Variants in RALGPS2 observed in about 807,000 individuals in gnomAD.
RALGPS2 encodes the protein ras-specific guanine nucleotide-releasing factor RalGPS2.
A neutral mutation model predicts 86.8 loss-of-function variants in RALGPS2; 43 were observed. The ratio of observed to expected loss-of-function variants is 0.50; its 90% confidence interval spans 0.39 to 0.64. The LOEUF is 0.64. Among genes scored for constraint, RALGPS2 ranks in the 30% least tolerant of loss-of-function variants. The pLI is 0.00. For missense variants in RALGPS2, 536 were observed against 694.6 expected, an observed-to-expected ratio of 0.77 and a Z score of 2.57; for synonymous variants, 243 against 231.3, an observed-to-expected ratio of 1.05 and a Z score of -0.46.
chr1:178,890,331 A>G (rs1659667764), intron 14 of RALGPS2, among the ~76,000 whole-genome samples: 1 of 151,994 alleles, frequency 6.6e-6, no homozygotes, highest in Non-Finnish European at 1.5e-5. Flanking sequence ...GCAAATAATT[A>G]TTTATTAAAT....
chr1:178,901,668 A>T (rs991857991), intron 17 of RALGPS2, among the ~76,000 whole-genome samples: 3 of 151,610 alleles, frequency 2.0e-5, no homozygotes, highest in African/African-American at 7.3e-5. Flanking sequence ...AGCCTGGGCA[A>T]CAGAGTGAGA....
At chr1:178,880,261 A>T (rs552398098) in intron 10 of RALGPS2, among the ~76,000 whole-genome samples, 4 of 152,298 alleles carry the variant, frequency 2.6e-5, no homozygotes, top group South Asian at 2.1e-4. Flanking sequence ...TTTTTAAAAA[A>T]TTTTGTAGAA....
At chr1:178,823,387 A>G (rs1230770114) in intron 7 of RALGPS2, among the ~76,000 whole-genome samples, 2 of 152,244 alleles carry the variant, frequency 1.3e-5, no homozygotes, top group Non-Finnish European at 2.9e-5. Context: ...CATACAGCTA[A>G]CATTCTGCTG....
chr1:178,808,241 T>C, intron 5 of RALGPS2, 113 bp downstream of exon 5: 1 of 749,506 alleles, frequency 1.3e-6, no homozygotes, highest in South Asian at 1.7e-5. Context: ...TCAGCCAGTA[T>C]CTCTCAAGTA....
At chr1:178,819,625 A>C (rs1196969503) in intron 6 of RALGPS2, among the ~76,000 whole-genome samples, 2 of 152,282 alleles carry the variant, frequency 1.3e-5, no homozygotes, top group Admixed American at 6.5e-5. Context: ...GATTCTCCTT[A>C]GTTTTAGGGC....
intron 7 of RALGPS2, among the ~76,000 whole-genome samples, chr1:178,828,344 C>T (rs11800240): frequency 6.6e-6 from 1 of 152,012 alleles, no homozygotes; most frequent in Non-Finnish European, 1.5e-5. Context: ...TACAATACAC[C>T]TAGGCTATAT....
At chr1:178,818,326 C>T (rs1486048627) in intron 6 of RALGPS2, among the ~76,000 whole-genome samples, 1 of 152,170 alleles carries the variant, frequency 6.6e-6, no homozygotes, top group Non-Finnish European at 1.5e-5. Flanking sequence ...TGCCAGTGCA[C>T]TCCAGCCTGG....
intron 10 of RALGPS2, among the ~76,000 whole-genome samples, chr1:178,880,744 T>C (rs775624266): frequency 1.3e-5 from 2 of 152,236 alleles, no homozygotes; most frequent in Non-Finnish European, 2.9e-5. Flanking sequence ...TTAAAGTTTA[T>C]TAGATTGAAA....
At chr1:178,802,920 A>G (rs976733378) in intron 4 of RALGPS2, among the ~76,000 whole-genome samples, 3 of 152,098 alleles carry the variant, frequency 2.0e-5, no homozygotes, top group Non-Finnish European at 4.4e-5. Context: ...TTTGTCTGCA[A>G]GTTTTTTCAA....
At position 178,765,835 on chromosome 1, in the gene RALGPS2, T is replaced by C. The variant is rs558168776; in HGVS notation, c.-83-10847T>C. 3.9e-5 allele frequency among the ~76,000 whole-genome samples: 6 copies of C among 152,350 alleles called. No individual in the cohort carries two copies. The East Asian group carries it at 7.7e-4, about 20-fold the overall frequency. ...TCAGCGATACTTCTCCTATTTGCTT[T>C]TGAAAGAAGAGAAATAGGCTCTGTT... is the stretch of plus-strand genomic sequence containing the variant. On this transcript the variant is annotated intron_variant, in intron 1 of 19. Transcript: ENST00000367635.
At chr1:178,883,623 A>T in intron 11 of RALGPS2, 90 bp downstream of exon 11, 2 of 914,526 alleles carry the variant, frequency 2.2e-6, no homozygotes, top group Non-Finnish European at 3.4e-6. Flanking sequence ...AACTTAGTAC[A>T]TCTTATACTG....
chr1:178,899,556 T>C (rs551798241), intron 17 of RALGPS2, among the ~76,000 whole-genome samples: 1 of 151,718 alleles, frequency 6.6e-6, no homozygotes, highest in South Asian at 2.1e-4. Context: ...ATCTGCTATA[T>C]GTAAGCAACC....
chr1:178,728,195 C>G (rs1415459456), intron 1 of RALGPS2, among the ~76,000 whole-genome samples: 1 of 152,056 alleles, frequency 6.6e-6, no homozygotes, highest in Non-Finnish European at 1.5e-5. Flanking sequence ...ATAAGGGAAT[C>G]TAAATTTCTT....
intron 4 of RALGPS2, among the ~76,000 whole-genome samples, chr1:178,791,949 G>A (rs1430988775): frequency 6.6e-6 from 1 of 152,136 alleles, no homozygotes; most frequent in Non-Finnish European, 1.5e-5. Flanking sequence ...TCTCTGAAGT[G>A]TTAAAAATTA....
intron 8 of RALGPS2, among the ~76,000 whole-genome samples, chr1:178,877,014 A>ATGTC (rs1327213140): frequency 6.6e-6 from 1 of 152,162 alleles, no homozygotes. Context: ...AATATTAAAT[A>ATGTC]ATTTCCCTAT....
At chr1:178,827,392 ATTTTT>A (rs748058137) in intron 7 of RALGPS2, among the ~76,000 whole-genome samples, 1 of 132,010 alleles carries the variant, frequency 7.6e-6, no homozygotes. Context: ...ATACTCTCTG[ATTTTT>A]TTTTTTTTTT....
chr1:178,764,616 T>G (rs1242826488), intron 1 of RALGPS2, among the ~76,000 whole-genome samples: 1 of 152,242 alleles, frequency 6.6e-6, no homozygotes, highest in African/African-American at 2.4e-5. Flanking sequence ...CCTTTCCATG[T>G]TTAGCACTCC....
intron 15 of RALGPS2, among the ~76,000 whole-genome samples, chr1:178,892,886 G>T (rs1207953326): frequency 1.3e-5 from 2 of 152,014 alleles, no homozygotes; most frequent in African/African-American, 4.8e-5. Context: ...GTGGTGATGG[G>T]TAATCAGTTC....
intron 8 of RALGPS2, 121 bp downstream of exon 8, chr1:178,833,671 T>G: frequency 1.4e-6 from 2 of 1,392,014 alleles, no homozygotes; most frequent in African/African-American, 3.0e-5. Context: ...ACTTCAAGAT[T>G]GGTAAGCTGA....
Sources: gnomAD v4.1 joint callset for allele counts (sites outside exome capture counted in the v4.1 genomes callset) on GRCh38, gnomAD v4.1.1 for gene constraint, MANE v1.5 for transcripts, NCBI Gene and HGNC (gene_info 2026-07-23, HGNC 2026-07-21) for gene names.